MS4A8: variants seen among roughly 807,000 people sequenced by gnomAD.
MS4A8 encodes membrane-spanning 4-domains subfamily A member 8.
In MS4A8, 27 loss-of-function variants were observed where a neutral mutation model predicts 23.7. The ratio of observed to expected loss-of-function variants is 1.14; its 90% CI spans 0.84 to 1.57. The LOEUF (loss-of-function observed/expected upper bound fraction) is 1.57, where lower values mean the gene tolerates loss of function less well. Among genes scored for constraint, MS4A8 ranks in the 40% most tolerant of loss-of-function variants. MS4A8 has a pLI of 0.00. For synonymous variants in MS4A8, 138 were observed against 126.3 expected (o/e 1.09, Z -0.62); for missense variants, 301 against 311.4 (o/e 0.97, Z 0.25).
rs149636295 is a variant in MS4A8 at position 60,703,467 on chromosome 11, C to G, written c.309C>G (p.Phe103Leu). ...TAGGGGAATACCTGTCTATTTCATT[C>G]TACGGAGGCTTTCCCTTCTGGGGAG... ...VLVGEYLSISFYGGFPFWGGL... is the reference protein window; with the variant it reads ...VLVGEYLSISLYGGFPFWGGL... The change falls in exon 3 of 7, where the codon TTC becomes TTG. Residue 103 changes from phenylalanine to leucine, a missense_variant. By Grantham distance (22) the Phe-to-Leu change is conservative (BLOSUM62 0). Transcript: ENST00000300226. The G allele has an allele frequency of 7.3e-5, 117 of 1,608,590 alleles. No individual in the cohort carries two copies. The highest frequency in any genetic ancestry group is 8.8e-5 in the Non-Finnish European group (104 of 1,177,998).
chr11:60,712,274 C>T (rs751635567), intron 5 of MS4A8: 3 of 965,074 alleles, frequency 3.1e-6, no homozygotes, highest in Non-Finnish European at 3.7e-6. Flanking sequence ...TGTTCTGTAG[C>T]TCTTACCCTA....
rs1430231502 is a variant in MS4A8, at chr11:60,714,874, AC to A, written c.535-144del. 3.9e-5 allele frequency: 25 copies of A among 638,744 alleles called. No homozygotes were observed. In the African/African-American group the frequency reaches 4.0e-4, roughly 10 times the overall value. The allele number at this position is 638,744 out of a possible 1,614,324, so 39.6% of individuals were successfully genotyped here. A position where few individuals can be genotyped will look rare whatever the true frequency, so the allele number is the denominator to read the frequency against. On this transcript the variant is annotated intron_variant, in intron 5 of 6. Transcript: ENST00000300226. ...ACCCCCATACTTGATACTTACAAAA[AC>A]CCGGTGGGAAATTTCCCCCCACGAG... is the stretch of plus-strand genomic sequence containing the variant.
At chr11:60,711,588 G>A (rs545547519) in intron 5 of MS4A8, among the ~76,000 whole-genome samples, 14 of 152,216 alleles carry the variant, frequency 9.2e-5, no homozygotes, top group African/African-American at 1.7e-4. Flanking sequence ...AGCTACTCCC[G>A]TCCACTGCGA....
intron 5 of MS4A8, chr11:60,711,817 CT>C (rs2088302737): frequency 2.2e-6 from 1 of 455,976 alleles, no homozygotes. Context: ...GAAAACTTGG[CT>C]TTTAATCTTA....
At chr11:60,713,492 T>G (rs1203393538) in intron 5 of MS4A8, among the ~76,000 whole-genome samples, 2 of 152,188 alleles carry the variant, frequency 1.3e-5, no homozygotes, top group East Asian at 3.8e-4. Flanking sequence ...GATGTGCATA[T>G]ACATAAACAT....
intron 3 of MS4A8, among the ~76,000 whole-genome samples, chr11:60,705,102 TC>T: frequency 6.6e-6 from 1 of 152,236 alleles, no homozygotes; most frequent in East Asian, 1.9e-4. Context: ...GCTATCTCCA[TC>T]CCCGACAGCC....
At position 60,703,504 on chromosome 11, in the gene MS4A8, A is replaced by G; in HGVS notation, c.342+4A>G. On this transcript the variant is annotated splice_donor_region_variant and intron_variant, in intron 3 of 6. Coordinates refer to ENST00000300226, the MANE Select transcript of MS4A8 (RefSeq NM_031457.2). ...TCCCTTCTGGGGAGGCTTGTGGGTG[A>G]GTAACTCAAGTCCTCCTGCCGATGA... 6.2e-7 allele frequency: 1 copy of G among 1,606,680 alleles called. No individual in the cohort carries two copies. Among genetic ancestry groups the G allele is most frequent in the Non-Finnish European group, 8.5e-7 (1 of 1,177,054 alleles).
intron 3 of MS4A8, among the ~76,000 whole-genome samples, chr11:60,706,623 G>A (rs2088258255): frequency 6.6e-6 from 1 of 152,162 alleles, no homozygotes; most frequent in African/African-American, 2.4e-5. Context: ...CATCTACTAA[G>A]TGTAAAGATA....
At chr11:60,701,377 G>T (rs1442931649) in intron 2 of MS4A8, 1 of 521,826 alleles carries the variant, frequency 1.9e-6, no homozygotes, top group Non-Finnish European at 3.7e-6. Flanking sequence ...TGTGGCCTCT[G>T]AAGAAAGGGG....
intron 2 of MS4A8, 105 bp downstream of exon 2, chr11:60,701,184 G>A: frequency 8.9e-7 from 1 of 1,117,894 alleles, no homozygotes; most frequent in Non-Finnish European, 1.3e-6. Context: ...CGCAAGTGGG[G>A]CTGAGTTGAT....
Position 60,713,973 on chromosome 11 carries a change from G to A in MS4A8, c.535-1048G>A, listed in dbSNP as rs147993702. ...CGCTCTGTCGCCCAGGCCGGACTGC[G>A]GACTGCAGTGGCGCAATCTCGGCTC... On this transcript the variant is annotated intron_variant, in intron 5 of 6. Coordinates refer to ENST00000300226, the MANE Select transcript of MS4A8 (RefSeq NM_031457.2). Among the ~76,000 whole-genome samples the A allele has an allele frequency of 3.1e-4, 44 of 141,122 alleles. 1 individual carries two copies. The highest frequency in any genetic ancestry group is 4.9e-4 in the Admixed American group (7 of 14,160). 92.6% of individuals were successfully genotyped at this position (141,122 alleles called of 152,430 possible).
At chr11:60,706,144 G>GTGAATTATATGATACA (rs1320432369) in intron 3 of MS4A8, among the ~76,000 whole-genome samples, 2 of 152,124 alleles carry the variant, frequency 1.3e-5, no homozygotes, top group Non-Finnish European at 2.9e-5. Context: ...CTTTAAATGG[G>GTGAATTATATGATACA]TGAATTATAT....
Position 60,715,687 on chromosome 11 carries a change from G to C in MS4A8, c.*273G>C. On this transcript the variant is annotated 3_prime_UTR_variant, in exon 7 of 7. Transcript: ENST00000300226. ...GTGGGCATCCAGCCTCTGGGGCCTTGGCACACACACATTCGTGTGCTCTGC... is the reference window on the plus strand; with the variant it reads ...GTGGGCATCCAGCCTCTGGGGCCTTCGCACACACACATTCGTGTGCTCTGC... 1 of 446,316 alleles carries C rather than the reference G, an allele frequency of 2.2e-6. No individual in the cohort carries two copies. Among genetic ancestry groups the C allele is most frequent in the South Asian group, 2.5e-5 (1 of 39,648 alleles). The allele number at this position is 446,316 out of a possible 1,614,324, so 27.6% of individuals were successfully genotyped here.
chr11:60,701,128 T>C, intron 2 of MS4A8, 49 bp downstream of exon 2: 1 of 1,551,774 alleles, frequency 6.4e-7, no homozygotes, highest in Non-Finnish European at 8.9e-7. Flanking sequence ...GCTGGAGTGA[T>C]GGCAGGGGGA....
In MS4A8 at chr11:60,700,983, G is replaced by GC. The variant is rs777555046; in HGVS notation, c.124dup (p.Gln42ProfsTer11). The GC allele has an allele frequency of 4.3e-6, 7 of 1,614,072 alleles. No homozygotes were observed. In the Admixed American group the frequency reaches 1.2e-4, roughly 27 times the overall value. On this transcript the variant is annotated frameshift_variant, in exon 2 of 7. Transcript: ENST00000300226. LOFTEE classifies it high-confidence loss of function. ...TGCCCCTGTATCCAAACAGCCAGCC[G>GC]CAAGTCCACCTAGTTCCTGGGAACC...
chr11:60,702,392 C>G (rs980912342), intron 2 of MS4A8, among the ~76,000 whole-genome samples: 1 of 152,108 alleles, frequency 6.6e-6, no homozygotes, highest in Non-Finnish European at 1.5e-5. Flanking sequence ...ACTTTCACAC[C>G]ATAATAAAGT....
At chr11:60,704,833 C>T (rs1018190241) in intron 3 of MS4A8, among the ~76,000 whole-genome samples, 1 of 107,920 alleles carries the variant, frequency 9.3e-6, no homozygotes, top group Admixed American at 1.3e-4. Flanking sequence ...CACACACACA[C>T]ACATACACAC....
chr11:60,708,624 A>G, intron 4 of MS4A8, 26 bp from the exon 5 acceptor site: 1 of 1,491,294 alleles, frequency 6.7e-7, no homozygotes, highest in Non-Finnish European at 8.9e-7. Flanking sequence ...TTTCTCGCCC[A>G]TCCTGACCCT....
intron 4 of MS4A8, among the ~76,000 whole-genome samples, chr11:60,707,315 A>G (rs1433352893): frequency 1.3e-5 from 2 of 151,822 alleles, no homozygotes; most frequent in Non-Finnish European, 2.9e-5. Flanking sequence ...AGAGCGAGAG[A>G]GAGAGAGAGA....
Sources: allele counts gnomAD v4.1 joint callset (sites outside exome capture counted in the v4.1 genomes callset), GRCh38; gene constraint gnomAD v4.1.1; transcripts MANE v1.5; gene names NCBI Gene and HGNC (gene_info 2026-07-23, HGNC 2026-07-21).